SLC16A7: variants seen among roughly 807,000 people sequenced by gnomAD.
SLC16A7 encodes solute carrier family 16 member 7.
SLC16A7 carries 33 observed loss-of-function variants against 34.9 expected under a neutral mutation model. The ratio of observed to expected loss-of-function variants is 0.94; its 90% CI spans 0.72 to 1.26. The LOEUF (loss-of-function observed/expected upper bound fraction) is 1.26, where lower values mean the gene tolerates loss of function less well. SLC16A7 is among the 50% of genes most tolerant of loss of function. The probability of loss-of-function intolerance (pLI) is 0.00; values close to 1 mark genes in which losing one functional copy is unlikely to be tolerated. For missense variants in SLC16A7, 573 were observed against 578.1 expected (o/e 0.99, Z 0.09); for synonymous variants, 201 against 206.6 (o/e 0.97, Z 0.23).
intron 1 of SLC16A7, among the ~76,000 whole-genome samples, chr12:59,607,678 T>G (rs1879009093): frequency 6.6e-6 from 1 of 152,084 alleles, no homozygotes; most frequent in East Asian, 1.9e-4. Context: ...ACTCTAATAT[T>G]TTTTTCTAAT....
At chr12:59,698,266 T>A (rs1236879844) in intron 2 of SLC16A7, among the ~76,000 whole-genome samples, 1 of 151,816 alleles carries the variant, frequency 6.6e-6, no homozygotes, top group African/African-American at 2.4e-5. Context: ...TGCAACTATT[T>A]ATGATTTTAA....
chr12:59,773,038 A>G (rs1194907611), intron 4 of SLC16A7, among the ~76,000 whole-genome samples: 1 of 151,978 alleles, frequency 6.6e-6, no homozygotes, highest in African/African-American at 2.4e-5. Context: ...CCAAATGAAA[A>G]TATGGATTAA....
chr12:59,785,454 C>A lies in SLC16A7; in HGVS notation c.*5775C>A, dbSNP rs1252272295. On this transcript the variant is annotated 3_prime_UTR_variant, in exon 6 of 6. Coordinates refer to ENST00000547379, the MANE Select transcript of SLC16A7 (RefSeq NM_001270623.2). ...ATTGCAAAATGAATTTTTGATTTTACAGAAGCATATGGGAATTTAGATCAA... is the reference window on the plus strand; with the variant it reads ...ATTGCAAAATGAATTTTTGATTTTAAAGAAGCATATGGGAATTTAGATCAA... 2 of 152,152 alleles carry A rather than the reference C, an allele frequency of 1.3e-5. No individual in the cohort carries two copies. Among genetic ancestry groups the A allele is most frequent in the African/African-American group, 2.4e-5 (1 of 41,468 alleles). The allele number at this position is 152,152 out of a possible 1,614,324, so 9.4% of individuals were successfully genotyped here. A position where few individuals can be genotyped will look rare whatever the true frequency, so the allele number is the denominator to read the frequency against.
Position 59,788,913 on chromosome 12 carries a change from C to T in SLC16A7, c.*9234C>T, listed in dbSNP as rs1463690727. ...CAAATATTCCTAATTTGTTTTTCAG[C>T]ACACTTGTTTAAGTTCTTGCCTTTC... On this transcript the variant is annotated 3_prime_UTR_variant, in exon 6 of 6. Transcript: ENST00000547379. 6.6e-6 allele frequency: 1 copy of T among 151,962 alleles called. No homozygotes were observed. Among genetic ancestry groups the T allele is most frequent in the African/African-American group, 2.4e-5 (1 of 41,394 alleles). 9.4% of individuals were successfully genotyped at this position (151,962 alleles called of 1,614,324 possible).
chr12:59,600,910 A>G (rs548685122), intron 1 of SLC16A7, among the ~76,000 whole-genome samples: 3 of 152,196 alleles, frequency 2.0e-5, no homozygotes, highest in Non-Finnish European at 4.4e-5. Context: ...GTCTCAAAGG[A>G]CCTCATGAAA....
intron 1 of SLC16A7, among the ~76,000 whole-genome samples, chr12:59,616,823 C>T (rs1879474994): frequency 6.6e-6 from 1 of 152,060 alleles, no homozygotes; most frequent in Non-Finnish European, 1.5e-5. Flanking sequence ...TCCCAACATT[C>T]ATTATTTAAA....
intron 3 of SLC16A7, among the ~76,000 whole-genome samples, chr12:59,757,883 A>G (rs961947158): frequency 2.0e-5 from 3 of 152,204 alleles, no homozygotes; most frequent in African/African-American, 7.2e-5. Context: ...AGCTTCAGTT[A>G]TAAGAAGACA....
rs376619766 is a variant in SLC16A7, at chr12:59,760,443, T to A, written c.218-10776T>A. On this transcript the variant is annotated intron_variant, in intron 3 of 5. Coordinates refer to ENST00000547379, the MANE Select transcript of SLC16A7 (RefSeq NM_001270623.2). ...TCTCTCCTTATCTGTGGGAGATATG[T>A]TCTAAGACCCTCAGTGATGACCTGA... is the stretch of plus-strand genomic sequence containing the variant. 1.2e-3 allele frequency among the ~76,000 whole-genome samples: 189 copies of A among 152,218 alleles called. 2 individuals carry two copies. In the South Asian group the frequency reaches 0.02, roughly 16 times the overall value.
At chr12:59,659,541 C>A (rs1172224781) in intron 2 of SLC16A7, among the ~76,000 whole-genome samples, 2 of 151,972 alleles carry the variant, frequency 1.3e-5, no homozygotes, top group East Asian at 3.9e-4. Context: ...GCTAGCTACT[C>A]ACTATATGTT....
intron 3 of SLC16A7, among the ~76,000 whole-genome samples, chr12:59,705,563 G>T (rs1873470138): frequency 6.6e-6 from 1 of 152,070 alleles, no homozygotes; most frequent in Admixed American, 6.6e-5. Context: ...TTAAATTGTT[G>T]CTTGGAAATT....
At chr12:59,648,527 A>G (rs992960103) in intron 1 of SLC16A7, among the ~76,000 whole-genome samples, 2 of 152,162 alleles carry the variant, frequency 1.3e-5, no homozygotes, top group Non-Finnish European at 2.9e-5. Flanking sequence ...CCAACTGAAG[A>G]TTCAGGTATG....
intron 1 of SLC16A7, among the ~76,000 whole-genome samples, chr12:59,610,010 G>A (rs976666377): frequency 1.3e-5 from 2 of 151,918 alleles, no homozygotes; most frequent in African/African-American, 4.8e-5. Flanking sequence ...CTATTACCTG[G>A]GCATTGCTAT....
At chr12:59,701,374 C>T (rs912532242) in intron 2 of SLC16A7, among the ~76,000 whole-genome samples, 1 of 150,810 alleles carries the variant, frequency 6.6e-6, no homozygotes, top group Non-Finnish European at 1.5e-5. Flanking sequence ...GCTTAATTTT[C>T]ATGCCACAAG....
At chr12:59,749,743 G>T (rs952393847) in intron 3 of SLC16A7, among the ~76,000 whole-genome samples, 2 of 152,206 alleles carry the variant, frequency 1.3e-5, no homozygotes, top group African/African-American at 4.8e-5. Context: ...GACTTCACAA[G>T]ATTTATGATA....
chr12:59,765,159 G>A (rs1331372092), intron 3 of SLC16A7, among the ~76,000 whole-genome samples: 4 of 152,028 alleles, frequency 2.6e-5, no homozygotes, highest in South Asian at 2.1e-4. Flanking sequence ...CATATCCTTC[G>A]CCCACTTTTT....
At chr12:59,660,740 A>G (rs1868804780) in intron 2 of SLC16A7, among the ~76,000 whole-genome samples, 1 of 152,164 alleles carries the variant, frequency 6.6e-6, no homozygotes, top group Admixed American at 6.6e-5. Flanking sequence ...ATAAACTATG[A>G]TAAAAATCCT....
intron 3 of SLC16A7, 104 bp from the exon 4 acceptor site, chr12:59,771,115 C>G (rs978317655): frequency 9.4e-7 from 1 of 1,064,612 alleles, no homozygotes; most frequent in African/African-American, 1.6e-5. Flanking sequence ...TCTCCTCTGA[C>G]CATTAAAATG....
At chr12:59,740,711 G>A (rs1245289914) in intron 3 of SLC16A7, among the ~76,000 whole-genome samples, 2 of 152,118 alleles carry the variant, frequency 1.3e-5, no homozygotes, top group East Asian at 3.9e-4. Flanking sequence ...TTCTGGCCAG[G>A]GCAATCAGGC....
intron 1 of SLC16A7, among the ~76,000 whole-genome samples, chr12:59,635,924 C>T (rs1326489035): frequency 4.0e-5 from 6 of 150,510 alleles, no homozygotes; most frequent in African/African-American, 9.8e-5. Flanking sequence ...TAAGTGCATA[C>T]TTAGAAGTAT....
Sources: gnomAD v4.1 joint callset for allele counts (sites outside exome capture counted in the v4.1 genomes callset) on GRCh38, gnomAD v4.1.1 for gene constraint, MANE v1.5 for transcripts, NCBI Gene and HGNC (gene_info 2026-07-23, HGNC 2026-07-21) for gene names.